Variants in GABRG3 observed in about 807,000 individuals in gnomAD.
GABRG3 encodes the protein gamma-aminobutyric acid receptor subunit gamma-3.
In GABRG3, 25 loss-of-function variants were observed where a neutral mutation model predicts 48.8. The observed-to-expected ratio is 0.51, with a 90% confidence interval of 0.37 to 0.72. The LOEUF (loss-of-function observed/expected upper bound fraction) is 0.72. Among genes scored for constraint, GABRG3 ranks in the 30% least tolerant of loss-of-function variants. GABRG3 has a pLI of 0.00. For synonymous variants in GABRG3, 227 were observed against 217.6 expected (o/e 1.04, Z -0.38); for missense variants, 394 against 577.9 (o/e 0.68, Z 3.26).
At chr15:26,993,940 C>G (rs1029146562) in intron 2 of GABRG3, among the ~76,000 whole-genome samples, 12 of 151,870 alleles carry the variant, frequency 7.9e-5, no homozygotes, top group Admixed American at 7.9e-4. Context: ...CGAATTGAAC[C>G]CTTTATCATT....
At chr15:27,048,458 C>G (rs1454782982) in intron 3 of GABRG3, among the ~76,000 whole-genome samples, 2 of 152,102 alleles carry the variant, frequency 1.3e-5, no homozygotes, top group Non-Finnish European at 2.9e-5. Flanking sequence ...GCAGAGGAGC[C>G]CAAAGCCCCA....
In GABRG3 at chr15:27,457,827, C is replaced by T. The variant is rs1405690596; in HGVS notation, c.575-22823C>T. ...GAATGTATTTGTCAAAGCACCTGTGCAGTGACTCCCACTCAGGGAAACCAT... is the reference window on the plus strand; with the variant it reads ...GAATGTATTTGTCAAAGCACCTGTGTAGTGACTCCCACTCAGGGAAACCAT... On this transcript the variant is annotated intron_variant, in intron 5 of 9. Coordinates refer to ENST00000615808, the MANE Select transcript of GABRG3 (RefSeq NM_033223.5). This position sits in a 1 kb window ranked among gnomAD's most constrained non-coding sequence, Gnocchi z 4.4. 3.9e-5 allele frequency among the ~76,000 whole-genome samples: 6 copies of T among 152,214 alleles called. No homozygotes were observed. Among genetic ancestry groups the T allele is most frequent in the African/African-American group, 9.6e-5 (4 of 41,454 alleles).
chr15:27,022,893 G>A (rs951398052), intron 2 of GABRG3, among the ~76,000 whole-genome samples: 4 of 152,156 alleles, frequency 2.6e-5, no homozygotes, highest in Non-Finnish European at 5.9e-5. Context: ...TTAGTGTTGT[G>A]ACAGAGGCAA....
intron 5 of GABRG3, among the ~76,000 whole-genome samples, chr15:27,374,138 CTTTT>C (rs201839822): frequency 0.046 from 4,217 of 91,556 alleles, 178 homozygotes; most frequent in African/African-American, 0.17. Context: ...TTCTTTTCTT[CTTTT>C]TTTTTTTTTT....
chr15:27,205,250 G>A (rs1888814961), intron 3 of GABRG3, among the ~76,000 whole-genome samples: 1 of 151,922 alleles, frequency 6.6e-6, no homozygotes, highest in Non-Finnish European at 1.5e-5. Flanking sequence ...AGTTTCTTGA[G>A]GATTTTTAAC....
At chr15:27,091,656 C>T (rs1897187375) in intron 3 of GABRG3, among the ~76,000 whole-genome samples, 1 of 152,154 alleles carries the variant, frequency 6.6e-6, no homozygotes, top group African/African-American at 2.4e-5. Context: ...TAGATCTGTT[C>T]GGATTTTCCA....
intron 3 of GABRG3, among the ~76,000 whole-genome samples, chr15:27,073,563 C>T (rs985968470): frequency 6.6e-6 from 1 of 152,252 alleles, no homozygotes; most frequent in Non-Finnish European, 1.5e-5. Context: ...TATCATATAG[C>T]TCCAGATGCA....
chr15:27,310,325 T>C (rs1294144524), intron 3 of GABRG3, among the ~76,000 whole-genome samples: 1 of 152,114 alleles, frequency 6.6e-6, no homozygotes, highest in Non-Finnish European at 1.5e-5. Context: ...GATACATCAA[T>C]GGAAAAAGTT....
In GABRG3 at chr15:26,977,084, G is replaced by A. The variant is rs375312694; in HGVS notation, c.136G>A (p.Asp46Asn). 4.7e-5 allele frequency: 76 copies of A among 1,613,850 alleles called. No individual in the cohort carries two copies. Among genetic ancestry groups the A allele is most frequent in the Middle Eastern group, 1.6e-4 (1 of 6,084 alleles). Residue 46 changes from aspartate to asparagine, a missense_variant, in exon 2 of 10, where the codon GAC becomes AAC. Around this residue, in one of 3 missense-constraint regions of GABRG3, gnomAD observed 218 missense variants for 309.9 expected, o/e 0.70. Coordinates refer to ENST00000615808, the MANE Select transcript of GABRG3 (RefSeq NM_033223.5). ...WVLAPKSQDT[D>N]VTLILNKLLR... ...CTTGGCTCCAAAATCCCAAGACACC[G>A]ACGTGACTCTTATTCTCAACAAGTT...
rs1025874004 is a variant in GABRG3, at chr15:27,536,204, G to A, written c.*3323G>A. ...AAAGAAAAGGCATTTCACATTAATG[G>A]AATTGGAGAAAAATGTCTCTTCAGA... On this transcript the variant is annotated 3_prime_UTR_variant, in exon 10 of 10. Coordinates refer to ENST00000615808, the MANE Select transcript of GABRG3 (RefSeq NM_033223.5). 1 of 152,116 alleles carries A rather than the reference G, an allele frequency of 6.6e-6. No homozygotes were observed. Among genetic ancestry groups the A allele is most frequent in the Non-Finnish European group, 1.5e-5 (1 of 68,044 alleles). The allele number at this position is 152,116 out of a possible 1,614,324, so 9.4% of individuals were successfully genotyped here.
intron 5 of GABRG3, among the ~76,000 whole-genome samples, chr15:27,422,684 CTGTT>C (rs1250052510): frequency 6.6e-6 from 1 of 152,184 alleles, no homozygotes; most frequent in Non-Finnish European, 1.5e-5. Flanking sequence ...CTTTGTCATA[CTGTT>C]TGTTTTTTGA....
chr15:27,011,885 T>C (rs1016800270), intron 2 of GABRG3, among the ~76,000 whole-genome samples: 4 of 151,658 alleles, frequency 2.6e-5, no homozygotes, highest in African/African-American at 9.7e-5. Flanking sequence ...CTAATTCACC[T>C]CTGGAAAATT....
At chr15:27,238,900 T>G (rs1890054586) in intron 3 of GABRG3, among the ~76,000 whole-genome samples, 1 of 152,176 alleles carries the variant, frequency 6.6e-6, no homozygotes, top group Admixed American at 6.5e-5. Context: ...CTTCCACATA[T>G]GTCACGATTG....
At chr15:27,079,741 T>C (rs1270832813) in intron 3 of GABRG3, among the ~76,000 whole-genome samples, 1 of 152,128 alleles carries the variant, frequency 6.6e-6, no homozygotes, top group African/African-American at 2.4e-5. Flanking sequence ...CAAGGTAAAT[T>C]GAACATACAG....
At chr15:27,231,942 C>G (rs1023679125) in intron 3 of GABRG3, among the ~76,000 whole-genome samples, 3 of 152,124 alleles carry the variant, frequency 2.0e-5, no homozygotes, top group Non-Finnish European at 2.9e-5. Flanking sequence ...TCTCATTTAC[C>G]TGAGGTTCAT....
chr15:27,307,391 CCATATAGGTTTATATATTTATATATAAA>C (rs1566771071), intron 3 of GABRG3, among the ~76,000 whole-genome samples: 3 of 11,762 alleles, frequency 2.6e-4, no homozygotes, highest in Admixed American at 1.1e-3. Flanking sequence ...TTATATATAA[CCATATAGGTTTATATATTTATATATAAA>C]CATATAGGTT....
chr15:27,214,333 C>G (rs1253846823), intron 3 of GABRG3, among the ~76,000 whole-genome samples: 1 of 152,234 alleles, frequency 6.6e-6, no homozygotes, highest in Non-Finnish European at 1.5e-5. Flanking sequence ...GACAAGGCCC[C>G]TGTAATGGCC....
chr15:27,193,288 T>A (rs1888388549), intron 3 of GABRG3, among the ~76,000 whole-genome samples: 1 of 152,146 alleles, frequency 6.6e-6, no homozygotes, highest in Non-Finnish European at 1.5e-5. Context: ...AGGTTACTGC[T>A]GTCTTTTTGT....
chr15:27,412,931 T>TA (rs569616667), intron 5 of GABRG3, among the ~76,000 whole-genome samples: 1 of 152,228 alleles, frequency 6.6e-6, no homozygotes, highest in Non-Finnish European at 1.5e-5. Context: ...TTTGCTCTCT[T>TA]AAAAAAATTC....
Sources: allele counts gnomAD v4.1 joint callset (sites outside exome capture counted in the v4.1 genomes callset), GRCh38; gene constraint gnomAD v4.1.1; regional missense constraint gnomAD v4.1.1; non-coding constraint Gnocchi (gnomAD v3.1); transcripts MANE v1.5; gene names NCBI Gene and HGNC (gene_info 2026-07-23, HGNC 2026-07-21).